The following ADGRB1 variants were observed in gnomAD, a reference collection of about 807,000 sequenced individuals.
ADGRB1 encodes brain-specific angiogenesis inhibitor 1.
Under a neutral mutation model 175.7 loss-of-function variants are expected in ADGRB1, and 36 were observed. The ratio of observed to expected loss-of-function variants is 0.20; its 90% CI spans 0.16 to 0.27. The LOEUF (loss-of-function observed/expected upper bound fraction) is 0.27. Among genes scored for constraint, ADGRB1 ranks in the 10% least tolerant of loss-of-function variants. The pLI, the probability that ADGRB1 is intolerant of heterozygous loss-of-function variation, is 1.00. For synonymous variants in ADGRB1, 1,054 were observed against 979.4 expected (o/e 1.08, Z -1.42); for missense variants, 1,731 against 2,255.3 (o/e 0.77, Z 4.71).
rs372297340 is a variant in ADGRB1, at chr8:142,478,831, C to T, written c.1561+471C>T. 3.4e-5 allele frequency among the ~76,000 whole-genome samples: 4 copies of T among 118,862 alleles called. 1 individual carries two copies. The highest frequency in any genetic ancestry group is 2.6e-4 in the East Asian group (1 of 3,832). 78.0% of individuals were successfully genotyped at this position (118,862 alleles called of 152,430 possible). A position where few individuals can be genotyped will look rare whatever the true frequency, so the allele number is the denominator to read the frequency against. On this transcript the variant is annotated intron_variant, in intron 7 of 30. Coordinates refer to ENST00000517894, the MANE Select transcript of ADGRB1 (RefSeq NM_001702.3). ...GGGTGCACAGTGGGACTTGGGGTGT[C>T]CATGGGGAAGTGGAGTGTGGGGTGG...
intron 17 of ADGRB1, among the ~76,000 whole-genome samples, chr8:142,505,255 C>G (rs796381817): frequency 1.3e-4 from 20 of 152,324 alleles, no homozygotes; most frequent in African/African-American, 4.8e-4. Flanking sequence ...GGACCCCCTG[C>G]CGGGCTGGAC....
At chr8:142,459,675 C>T (rs1270000308) in intron 1 of ADGRB1, among the ~76,000 whole-genome samples, 1 of 152,250 alleles carries the variant, frequency 6.6e-6, no homozygotes, top group African/African-American at 2.4e-5. Flanking sequence ...CACAGGCACA[C>T]AGGAACACAT....
chr8:142,454,059 G>A (rs1007785379), intron 1 of ADGRB1, among the ~76,000 whole-genome samples: 2 of 152,190 alleles, frequency 1.3e-5, no homozygotes, highest in African/African-American at 4.8e-5. Context: ...CTGCTGTCAG[G>A]AGCCATAGGA....
chr8:142,529,933 T>G (rs1328261843), intron 24 of ADGRB1, among the ~76,000 whole-genome samples: 1 of 148,970 alleles, frequency 6.7e-6, no homozygotes, highest in East Asian at 2.1e-4. Context: ...TGTGTACCTG[T>G]GAGCGTGCAT....
chr8:142,535,696 G>T (rs1041644095), intron 25 of ADGRB1, among the ~76,000 whole-genome samples: 1 of 152,162 alleles, frequency 6.6e-6, no homozygotes, highest in African/African-American at 2.4e-5. Flanking sequence ...GCTGGCTCGG[G>T]TGTTCCTGGA....
intron 11 of ADGRB1, among the ~76,000 whole-genome samples, chr8:142,482,465 T>C (rs984812642): frequency 8.6e-5 from 11 of 128,338 alleles, no homozygotes; most frequent in East Asian, 5.2e-4. Context: ...CTTGGTCACA[T>C]GCTGAACCCT....
intron 14 of ADGRB1, 78 bp downstream of exon 14, chr8:142,488,585 A>G: frequency 1.3e-6 from 2 of 1,547,296 alleles, no homozygotes; most frequent in Non-Finnish European, 1.8e-6. Context: ...ACCCTTCTGG[A>G]GTCTAGCTGC....
intron 18 of ADGRB1, among the ~76,000 whole-genome samples, chr8:142,515,096 G>A (rs1176268200): frequency 6.6e-6 from 1 of 151,914 alleles, no homozygotes; most frequent in Non-Finnish European, 1.5e-5. Context: ...TTGGTGGGAG[G>A]GGGCCGGCTG....
chr8:142,472,455 C>T (rs1032865956), intron 2 of ADGRB1, among the ~76,000 whole-genome samples: 3 of 152,188 alleles, frequency 2.0e-5, no homozygotes, highest in Non-Finnish European at 4.4e-5. Context: ...GCTTGCTGCT[C>T]CTCTGCTGCC....
chr8:142,474,841 G>A lies in ADGRB1; in HGVS notation c.785-633G>A, dbSNP rs145295265. On this transcript the variant is annotated intron_variant, in intron 2 of 30. Transcript: ENST00000517894. This position sits in a 1 kb window ranked among gnomAD's most constrained non-coding sequence, Gnocchi z 5.8. ...GCATTTATCCCAGGCTCCCTCCTCG[G>A]GTGGCCAGCTGGCCAGGTCCAGGGC... 6.0e-3 allele frequency among the ~76,000 whole-genome samples: 917 copies of A among 152,260 alleles called. 10 individuals carry two copies. The highest frequency in any genetic ancestry group is 0.02 in the African/African-American group (848 of 41,546).
chr8:142,471,752 T>C (rs1022069641), intron 2 of ADGRB1, among the ~76,000 whole-genome samples: 1 of 152,184 alleles, frequency 6.6e-6, no homozygotes, highest in Non-Finnish European at 1.5e-5. Flanking sequence ...GATCTGCTGG[T>C]GCCCGCCTCT....
chr8:142,510,828 G>C lies in ADGRB1; in HGVS notation c.2676-104G>C, dbSNP rs1843059359. 7.4e-6 allele frequency: 4 copies of C among 539,660 alleles called. No homozygotes were observed. The highest frequency in any genetic ancestry group is 9.4e-6 in the Non-Finnish European group (4 of 426,124). 33.4% of individuals were successfully genotyped at this position (539,660 alleles called of 1,614,324 possible). On this transcript the variant is annotated intron_variant, in intron 17 of 30. Transcript: ENST00000517894. This position sits in a 1 kb window ranked among gnomAD's most constrained non-coding sequence, Gnocchi z 6.3. Reference sequence around the variant, plus strand: ...CGCAGGTGCGGGGCGGCGGGCCGGGGCCGGGGCCGGGGCGCGGAGCCGCCG... The same window carrying C: ...CGCAGGTGCGGGGCGGCGGGCCGGGCCCGGGGCCGGGGCGCGGAGCCGCCG...
rs973571210 is a variant in ADGRB1 at position 142,498,217 on chromosome 8, G to A, written c.2675+7402G>A. Among the ~76,000 whole-genome samples the A allele has an allele frequency of 2.0e-5, 3 of 152,166 alleles. No homozygotes were observed. In the South Asian group the frequency reaches 6.2e-4, roughly 32 times the overall value. ...CGATCTGCAGTGAATCCTTGGATCC[G>A]TGTGTGTTCGATCCACCCTACCCCA... On this transcript the variant is annotated intron_variant, in intron 17 of 30. Coordinates refer to ENST00000517894, the MANE Select transcript of ADGRB1 (RefSeq NM_001702.3).
At chr8:142,450,425 T>C (rs1252400948) in intron 1 of ADGRB1, among the ~76,000 whole-genome samples, 1 of 152,128 alleles carries the variant, frequency 6.6e-6, no homozygotes, top group African/African-American at 2.4e-5. Context: ...CACCACAGCC[T>C]GGCACCCCTC....
At position 142,526,616 on chromosome 8, in the gene ADGRB1, G is replaced by A; in HGVS notation, c.3387G>A (p.Lys1129=). 6.2e-7 allele frequency: 1 copy of A among 1,609,328 alleles called. No individual in the cohort carries two copies. Among genetic ancestry groups the A allele is most frequent in the Non-Finnish European group, 8.5e-7 (1 of 1,177,718 alleles). ...ACGGCATCACGGACAAGAAGCTGAA[G>A]GAGCGGGCAGGGTAGGACCGGGGCT... ...SKDGITDKKL[K]ERAGASLWSS... The change falls in exon 24 of 31, where the codon AAG becomes AAA. Residue 1129 remains lysine (K), a synonymous_variant. Transcript: ENST00000517894.
chr8:142,543,912 G>A lies in ADGRB1; in HGVS notation c.4557+204G>A, dbSNP rs750737764. Among the ~76,000 whole-genome samples, 8 of 152,274 alleles carry A rather than the reference G, an allele frequency of 5.3e-5. No homozygotes were observed. The highest frequency in any genetic ancestry group is 6.8e-3 in the Middle Eastern group (2 of 294). On this transcript the variant is annotated intron_variant, in intron 30 of 30. Transcript: ENST00000517894. The surrounding 1 kb of genome is among the most constrained non-coding windows in gnomAD (Gnocchi z 4.4). ...GCCATGGCCATACTGGGAGCTGAGC[G>A]GTCACGAGCCTGCTCCTGGGGCCAG...
chr8:142,489,009 G>A (rs930192683), intron 14 of ADGRB1, 26 bp from the exon 15 acceptor site: 71 of 1,607,116 alleles, frequency 4.4e-5, no homozygotes, highest in Admixed American at 6.7e-5. Flanking sequence ...ATGGCGGGCC[G>A]GGGTTGACAG....
rs533783024 is a variant in ADGRB1 at position 142,499,462 on chromosome 8, C to T, written c.2675+8647C>T. ...CGGAGACTTGGGGTACGGCCACCCG[C>T]GTGCTGGGATTCGGGGCCAGTTCTG... On this transcript the variant is annotated intron_variant, in intron 17 of 30. Coordinates refer to ENST00000517894, the MANE Select transcript of ADGRB1 (RefSeq NM_001702.3). Among the ~76,000 whole-genome samples the T allele has an allele frequency of 2.0e-3, 301 of 152,344 alleles. 1 individual carries two copies. The highest frequency in any genetic ancestry group is 1.9e-3 in the Non-Finnish European group (129 of 68,022).
intron 17 of ADGRB1, among the ~76,000 whole-genome samples, chr8:142,503,019 G>T (rs1405467431): frequency 1.3e-5 from 2 of 151,876 alleles, no homozygotes; most frequent in Non-Finnish European, 2.9e-5. Context: ...TGGTGACAGT[G>T]GTGGTCCTGG....
Sources: allele counts gnomAD v4.1 joint callset (sites outside exome capture counted in the v4.1 genomes callset), GRCh38; gene constraint gnomAD v4.1.1; non-coding constraint Gnocchi (gnomAD v3.1); transcripts MANE v1.5; gene names NCBI Gene and HGNC (gene_info 2026-07-23, HGNC 2026-07-21).